TAF4: variants seen among roughly 807,000 people sequenced by gnomAD.
TAF4 encodes transcription initiation factor TFIID subunit 4.
TAF4 carries 9 observed loss-of-function variants against 90.3 expected under a neutral mutation model. That is an observed-to-expected ratio of 0.10 (90% CI 0.06 to 0.17). The LOEUF (loss-of-function observed/expected upper bound fraction) is 0.17, where lower values mean the gene tolerates loss of function less well. TAF4 is among the 10% of genes least tolerant of loss of function. The probability of loss-of-function intolerance (pLI) is 1.00; values close to 1 mark genes in which losing one functional copy is unlikely to be tolerated. For missense variants in TAF4, 1,351 were observed against 1,370.7 expected (o/e 0.99, Z 0.23); for synonymous variants, 818 against 638.9 (o/e 1.28, Z -4.23).
At chr20:61,985,923 A>ACCACCATCCCC (rs1248476552) in intron 14 of TAF4, among the ~76,000 whole-genome samples, 1,687 of 149,886 alleles carry the variant, frequency 0.011, 55 homozygotes, top group African/African-American at 0.03. Flanking sequence ...GACCAAAGGA[A>ACCACCATCCCC]GCACCATCCC....
chr20:62,065,317 G>GC lies in TAF4; in HGVS notation c.493dup (p.Ala165GlyfsTer297). The GC allele has an allele frequency of 1.1e-6, 1 of 939,532 alleles. No homozygotes were observed. The highest frequency in any genetic ancestry group is 1.3e-6 in the Non-Finnish European group (1 of 794,738). The allele number at this position is 939,532 out of a possible 1,614,324, so 58.2% of individuals were successfully genotyped here. A position where few individuals can be genotyped will look rare whatever the true frequency, so the allele number is the denominator to read the frequency against. ...GCCGGGGCCGGCGCGGGCGGCCAGC[G>GC]CGGCGGGGCCGGCGGGCTTGGCGGG... is the stretch of plus-strand genomic sequence containing the variant. On this transcript the variant is annotated frameshift_variant, in exon 1 of 15. Coordinates refer to ENST00000252996, the MANE Select transcript of TAF4 (RefSeq NM_003185.4). LOFTEE classifies it high-confidence loss of function.
chr20:62,054,038 G>A (rs2056046540), intron 1 of TAF4, among the ~76,000 whole-genome samples: 1 of 152,212 alleles, frequency 6.6e-6, no homozygotes, highest in Admixed American at 6.5e-5. Context: ...AGGATCGTCG[G>A]GTGAGGCCAC....
intron 9 of TAF4, 79 bp downstream of exon 9, chr20:62,003,077 TGGGC>T (rs1252206415): frequency 1.3e-5 from 16 of 1,215,716 alleles, no homozygotes; most frequent in African/African-American, 3.0e-5. Context: ...GAAAGACCCG[TGGGC>T]GGGAATGGAG....
At chr20:62,019,348 A>G (rs1203175050) in intron 1 of TAF4, among the ~76,000 whole-genome samples, 5 of 152,208 alleles carry the variant, frequency 3.3e-5, no homozygotes, top group African/African-American at 1.2e-4. Context: ...CCCCGGGCGC[A>G]CTTCCCATGG....
Position 62,010,094 on chromosome 20 carries a change from A to G in TAF4, c.1713T>C (p.Thr571=). ...LGTATAVQTG[T]PQRTVPGATT... Reference sequence around the variant, plus strand: ...TCGCCCCTGGTACCGTGCGCTGAGGAGTCCCCGTCTGAACAGCCGTCGCCG... The same window carrying G: ...TCGCCCCTGGTACCGTGCGCTGAGGGGTCCCCGTCTGAACAGCCGTCGCCG... Residue 571 remains threonine (T), a synonymous_variant, in exon 4 of 15, where the codon ACT becomes ACC. Coordinates refer to ENST00000252996, the MANE Select transcript of TAF4 (RefSeq NM_003185.4). This position sits in a 1 kb window ranked among gnomAD's most constrained non-coding sequence, Gnocchi z 4.5. 2 of 1,613,856 alleles carry G rather than the reference A, an allele frequency of 1.2e-6. No homozygotes were observed. The highest frequency in any genetic ancestry group is 2.7e-5 in the African/African-American group (2 of 75,002).
In TAF4 at chr20:62,003,894, C is replaced by G; in HGVS notation, c.2224-16G>C. On this transcript the variant is annotated splice_polypyrimidine_tract_variant and intron_variant, in intron 7 of 14. Coordinates refer to ENST00000252996, the MANE Select transcript of TAF4 (RefSeq NM_003185.4). ...GCTGGATGACCTGAGGCAGAGCCAG[C>G]AGAGAATGGTGAGCATGCTCCCCGA... is the stretch of plus-strand genomic sequence containing the variant. The G allele has an allele frequency of 6.5e-7, 1 of 1,538,410 alleles. No individual in the cohort carries two copies. Among genetic ancestry groups the G allele is most frequent in the Non-Finnish European group, 8.7e-7 (1 of 1,146,566 alleles).
intron 1 of TAF4, among the ~76,000 whole-genome samples, chr20:62,046,073 C>T (rs1185744282): frequency 6.6e-6 from 1 of 152,224 alleles, no homozygotes; most frequent in African/African-American, 2.4e-5. Flanking sequence ...GCGGTGCCCC[C>T]GTGCAGCAGA....
chr20:61,984,041 G>A (rs1432534334), intron 14 of TAF4, among the ~76,000 whole-genome samples: 3 of 152,196 alleles, frequency 2.0e-5, no homozygotes, highest in East Asian at 1.9e-4. Context: ...CAGGAGATGC[G>A]ACGAGACAGA....
chr20:62,023,745 C>G (rs1158611238), intron 1 of TAF4, among the ~76,000 whole-genome samples: 1 of 26,826 alleles, frequency 3.7e-5, no homozygotes, highest in Admixed American at 4.9e-4. Flanking sequence ...AAGACTCCAT[C>G]TCAAAAAAAA....
chr20:62,007,304 CCCTTCTCA>C (rs2055752302), intron 6 of TAF4, among the ~76,000 whole-genome samples: 1 of 152,244 alleles, frequency 6.6e-6, no homozygotes, highest in African/African-American at 2.4e-5. Context: ...GAAGCACACG[CCCTTCTCA>C]CCACCTTGCG....
intron 6 of TAF4, 95 bp downstream of exon 6, chr20:62,007,452 G>T: frequency 8.2e-7 from 1 of 1,212,694 alleles, no homozygotes; most frequent in Non-Finnish European, 1.2e-6. Context: ...TGCACCCTCC[G>T]TGCCTGGAGC....
chr20:61,980,757 G>T (rs1194374139), intron 14 of TAF4: 1 of 152,278 alleles, frequency 6.6e-6, no homozygotes, highest in African/African-American at 2.4e-5. Flanking sequence ...TGCACTGGAC[G>T]AGGGCGCCTA....
intron 1 of TAF4, among the ~76,000 whole-genome samples, chr20:62,048,697 C>A (rs1305979744): frequency 6.6e-6 from 1 of 151,152 alleles, no homozygotes; most frequent in East Asian, 2.0e-4. Flanking sequence ...GGCGTGCCCA[C>A]CTCGGTCCCT....
intron 1 of TAF4, among the ~76,000 whole-genome samples, chr20:62,028,530 T>A (rs918695093): frequency 2.0e-5 from 3 of 152,178 alleles, no homozygotes; most frequent in Non-Finnish European, 4.4e-5. Context: ...TACGGGGCCC[T>A]GGAACCATCC....
rs771818830 is a variant in TAF4, at chr20:62,010,215, A to T, written c.1642-50T>A. 6.2e-7 allele frequency: 1 copy of T among 1,611,826 alleles called. No homozygotes were observed. Among genetic ancestry groups the T allele is most frequent in the Non-Finnish European group, 8.5e-7 (1 of 1,179,494 alleles). ...TAAGGGCATCTCACGCCACCAGCTGACGAGGGGGAGACCAGCCTCACGCCC... is the reference window on the plus strand; with the variant it reads ...TAAGGGCATCTCACGCCACCAGCTGTCGAGGGGGAGACCAGCCTCACGCCC... On this transcript the variant is annotated intron_variant, in intron 3 of 14. Transcript: ENST00000252996. This position sits in a 1 kb window ranked among gnomAD's most constrained non-coding sequence, Gnocchi z 4.5.
At chr20:62,050,302 G>A (rs1364841961) in intron 1 of TAF4, among the ~76,000 whole-genome samples, 1 of 151,992 alleles carries the variant, frequency 6.6e-6, no homozygotes, top group East Asian at 1.9e-4. Flanking sequence ...GCTCCCCATG[G>A]ACCACTCCAT....
At chr20:62,021,067 C>T (rs1438064590) in intron 1 of TAF4, among the ~76,000 whole-genome samples, 1 of 152,144 alleles carries the variant, frequency 6.6e-6, no homozygotes, top group Non-Finnish European at 1.5e-5. Context: ...AGCTCAGCAG[C>T]CCTGAGAGCT....
In TAF4 at chr20:62,065,165, T is replaced by C. The variant is rs751867747; in HGVS notation, c.646A>G (p.Ser216Gly). 8.3e-7 allele frequency: 1 copy of C among 1,206,550 alleles called. No individual in the cohort carries two copies. Among genetic ancestry groups the C allele is most frequent in the Non-Finnish European group, 1.1e-6 (1 of 948,812 alleles). The allele number at this position is 1,206,550 out of a possible 1,614,324, so 74.7% of individuals were successfully genotyped here. The change falls in exon 1 of 15, where the codon AGC (serine) becomes GGC (glycine). Residue 216 changes from serine (S) to glycine (G), a missense_variant. This residue lies in a region of TAF4 where 782 missense variants were observed against 536.6 expected (regional missense o/e 1.46). Coordinates refer to ENST00000252996, the MANE Select transcript of TAF4 (RefSeq NM_003185.4). The part of the protein sequence containing the change: ...NSHHAAAPAV[S>G]LVNNGPAALL... Reference sequence around the variant, plus strand: ...GCGGCGGGCCCGTTGTTGACCAGGCTGACAGCAGGTGCGGCGGCGTGGTGC... The same window carrying C: ...GCGGCGGGCCCGTTGTTGACCAGGCCGACAGCAGGTGCGGCGGCGTGGTGC...
At chr20:62,016,478 T>C (rs979598344) in intron 1 of TAF4, among the ~76,000 whole-genome samples, 2 of 152,212 alleles carry the variant, frequency 1.3e-5, no homozygotes, top group African/African-American at 4.8e-5. Context: ...TCCATCTTTC[T>C]CCAGAGCTGG....
Sources: allele counts gnomAD v4.1 joint callset (sites outside exome capture counted in the v4.1 genomes callset), GRCh38; gene constraint gnomAD v4.1.1; regional missense constraint gnomAD v4.1.1; non-coding constraint Gnocchi (gnomAD v3.1); transcripts MANE v1.5; gene names NCBI Gene and HGNC (gene_info 2026-07-23, HGNC 2026-07-21).